Variants in OTOG observed in about 807,000 individuals in gnomAD.
The protein encoded by OTOG is otogelin.
Under a neutral mutation model 313.8 loss-of-function variants are expected in OTOG, and 296 were observed. The ratio of observed to expected loss-of-function variants is 0.94; its 90% CI spans 0.86 to 1.04. The LOEUF is 1.04. Among genes scored for constraint, OTOG ranks in the 50% least tolerant of loss-of-function variants. OTOG has a pLI of 0.00. For synonymous variants in OTOG, 1,533 were observed against 1,554.9 expected (o/e 0.99, Z 0.33); for missense variants, 3,948 against 3,840.1 (o/e 1.03, Z -0.74).
chr11:17,592,416 G>A (rs1202764838), intron 25 of OTOG, among the ~76,000 whole-genome samples: 1 of 152,116 alleles, frequency 6.6e-6, no homozygotes, highest in Non-Finnish European at 1.5e-5. Context: ...TATTTAAAAA[G>A]TTTTAAAGGT....
intron 48 of OTOG, 179 bp downstream of exon 48, chr11:17,638,728 C>A (rs1486939255): frequency 1.3e-6 from 2 of 1,545,372 alleles, no homozygotes; most frequent in African/African-American, 2.7e-5. Context: ...GCTGAGCATT[C>A]CTACAGCCTT....
rs1854223471 is a variant in OTOG at position 17,634,868 on chromosome 11, GTCTCGCC to G, written c.7506_7512del (p.Leu2503ProfsTer45). 2.6e-6 allele frequency: 4 copies of G among 1,549,402 alleles called. No individual in the cohort carries two copies. Among genetic ancestry groups the G allele is most frequent in the Non-Finnish European group, 3.5e-6 (4 of 1,146,768 alleles). On this transcript the variant is annotated frameshift_variant, in exon 45 of 56. Transcript: ENST00000399397. LOFTEE classifies it high-confidence loss of function. ...GTGTGTAACCAGACTCTGTGTGAGG[GTCTCGCC>G]CCCACATGCCGCCCAGGCCACCGCC...
intron 6 of OTOG, among the ~76,000 whole-genome samples, chr11:17,555,383 G>A (rs900356933): frequency 8.5e-5 from 13 of 152,140 alleles, no homozygotes; most frequent in Non-Finnish European, 1.9e-4. Flanking sequence ...GTATAGATGT[G>A]TGTGTTTGTG....
chr11:17,612,264 TGTGGGA>T lies in OTOG; in HGVS notation c.6227_6232del (p.Cys2076_Ile2078delinsPhe), dbSNP rs1212015595. 6.5e-7 allele frequency: 1 copy of T among 1,546,044 alleles called. No homozygotes were observed. The highest frequency in any genetic ancestry group is 2.4e-5 in the East Asian group (1 of 40,914). On this transcript the variant is annotated inframe_deletion, in exon 37 of 56. Coordinates refer to ENST00000399397, the MANE Select transcript of OTOG (RefSeq NM_001292063.2). ...TCCCCAGGGTGCTGCTCCCCCTCGC[TGTGGGA>T]TCCTGGGCCTCGCCGTGCGGGTGGG...
At chr11:17,632,014 G>T (rs1185702368) in intron 41 of OTOG, 74 bp from the exon 42 acceptor site, 10 of 1,540,542 alleles carry the variant, frequency 6.5e-6, no homozygotes, top group Non-Finnish European at 8.8e-6. Flanking sequence ...TTCCTTTTGG[G>T]CAGGGAGGGG....
intron 37 of OTOG, 37 bp downstream of exon 37, chr11:17,612,367 C>T (rs1210982882): frequency 1.3e-6 from 2 of 1,494,094 alleles, no homozygotes; most frequent in African/African-American, 2.8e-5. Flanking sequence ...CTGCATCCTC[C>T]CTGTATCCTT....
In OTOG at chr11:17,558,575, C is replaced by A. The variant is rs1167964256; in HGVS notation, c.1034C>A (p.Pro345His). ...YEQCEALLRP[P>H]FDACHAYVSP... ...CAGTGTGAGGCTCTACTGCGGCCCC[C>A]CTTTGACGCCTGCCACGCCTACGTC... The change falls in exon 10 of 56, where the codon CCC (proline) becomes CAC (histidine). Residue 345 changes from proline (P) to histidine (H), a missense_variant. Physicochemically the swap from Pro to His is moderately conservative, Grantham distance 77. Coordinates refer to ENST00000399397, the MANE Select transcript of OTOG (RefSeq NM_001292063.2). The A allele has an allele frequency of 1.3e-6, 2 of 1,550,546 alleles. No individual in the cohort carries two copies. The highest frequency in any genetic ancestry group is 2.0e-5 in the Admixed American group (1 of 51,012).
chr11:17,632,145 C>A lies in OTOG; in HGVS notation c.6991C>A (p.Pro2331Thr), dbSNP rs1006324874. Residue 2331 changes from proline (P) to threonine (T), a missense_variant, in exon 42 of 56, where the codon CCC becomes ACC. By Grantham distance (38) the Pro-to-Thr change is conservative. Coordinates refer to ENST00000399397, the MANE Select transcript of OTOG (RefSeq NM_001292063.2). ...WIRDTKYVQQ[P>T]CVALTVYVAM... is the part of the protein sequence containing the mutation. Reference sequence around the variant, plus strand: ...CCGGGACACCAAGTACGTGCAGCAGCCCTGCGTGGCCCTGACTGTGTACGT... The same window carrying A: ...CCGGGACACCAAGTACGTGCAGCAGACCTGCGTGGCCCTGACTGTGTACGT... 2.6e-6 allele frequency: 4 copies of A among 1,551,038 alleles called. No homozygotes were observed. Among genetic ancestry groups the A allele is most frequent in the Non-Finnish European group, 2.6e-6 (3 of 1,147,006 alleles).
intron 24 of OTOG, among the ~76,000 whole-genome samples, chr11:17,589,562 C>A (rs1225668381): frequency 1.3e-5 from 2 of 152,158 alleles, no homozygotes; most frequent in African/African-American, 4.8e-5. Flanking sequence ...CTCTTTTCTC[C>A]CATATAAACA....
At chr11:17,575,245 G>A (rs1291473945) in intron 20 of OTOG, among the ~76,000 whole-genome samples, 2 of 152,342 alleles carry the variant, frequency 1.3e-5, no homozygotes, top group South Asian at 2.1e-4. Context: ...TAGGGCTTGG[G>A]AATTCAGCAA....
intron 40 of OTOG, 137 bp from the exon 41 acceptor site, chr11:17,631,565 T>C (rs1175431654): frequency 9.6e-6 from 7 of 725,512 alleles, no homozygotes; most frequent in African/African-American, 8.9e-5. Flanking sequence ...TCCCTTCACC[T>C]AATTTCCCTC....
In OTOG at chr11:17,629,274, G is replaced by A. The variant is rs766948070; in HGVS notation, c.6670G>A (p.Glu2224Lys). 1.3e-5 allele frequency: 20 copies of A among 1,550,480 alleles called. No individual in the cohort carries two copies. The South Asian group carries it at 2.4e-4, about 18-fold the overall frequency. ...CCACAGCTCAGGACTCATGATCGTG[G>A]AGGCCAGCAAAACCAGCAAGGCCCA... ...WLHSSGLMIV[E>K]ASKTSKAQGH... The change falls in exon 40 of 56, where the codon GAG becomes AAG. Residue 2224 changes from glutamate (E) to lysine (K), a missense_variant. By Grantham distance (56) the Glu-to-Lys change is moderately conservative. Coordinates refer to ENST00000399397, the MANE Select transcript of OTOG (RefSeq NM_001292063.2).
chr11:17,556,691 G>C (rs927747571), intron 7 of OTOG, among the ~76,000 whole-genome samples: 1 of 152,286 alleles, frequency 6.6e-6, no homozygotes, highest in African/African-American at 2.4e-5. Flanking sequence ...CCAAATTCCA[G>C]GTTGGCTAGG....
At chr11:17,561,478 A>G (rs1162983793) in intron 14 of OTOG, among the ~76,000 whole-genome samples, 184 bp from the exon 15 acceptor site, 3 of 151,982 alleles carry the variant, frequency 2.0e-5, no homozygotes, top group African/African-American at 7.3e-5. Flanking sequence ...CCTCTCTTCA[A>G]GGAGTTCTCT....
At chr11:17,582,127 A>G (rs535043350) in intron 23 of OTOG, among the ~76,000 whole-genome samples, 1 of 152,312 alleles carries the variant, frequency 6.6e-6, no homozygotes, top group African/African-American at 2.4e-5. Context: ...TTTGACATCT[A>G]TGTATATATC....
Position 17,547,410 on chromosome 11 carries a change from G to T in OTOG, c.38G>T (p.Cys13Phe). ...GCGTCTGCGCTCTGCTGGCTGCTTT[G>T]TGTCTGGCTGCCCTGGGGTGAGCAG... is the stretch of plus-strand genomic sequence containing the variant. ...VLASALCWLL[C>F]VWLPWGEQAA... The change falls in exon 1 of 56, where the codon TGT (cysteine) becomes TTT (phenylalanine). Residue 13 changes from cysteine (C) to phenylalanine (F), a missense_variant. Coordinates refer to ENST00000399397, the MANE Select transcript of OTOG (RefSeq NM_001292063.2). 7.0e-7 allele frequency: 1 copy of T among 1,422,224 alleles called. No individual in the cohort carries two copies. The highest frequency in any genetic ancestry group is 9.1e-7 in the Non-Finnish European group (1 of 1,093,154). 88.1% of individuals were successfully genotyped at this position (1,422,224 alleles called of 1,614,324 possible). A position where few individuals can be genotyped will look rare whatever the true frequency, so the allele number is the denominator to read the frequency against.
chr11:17,644,139 A>G (rs1330709349), intron 54 of OTOG, among the ~76,000 whole-genome samples: 1 of 152,244 alleles, frequency 6.6e-6, no homozygotes, highest in African/African-American at 2.4e-5. Context: ...CATGCTGGGT[A>G]GTGAGCTGTA....
In OTOG at chr11:17,570,199, G is replaced by T; in HGVS notation, c.1778-14G>T. 6.5e-7 allele frequency: 1 copy of T among 1,549,614 alleles called. No individual in the cohort carries two copies. Among genetic ancestry groups the T allele is most frequent in the Non-Finnish European group, 8.7e-7 (1 of 1,146,286 alleles). ...GCTGCCCTCCCACTCTCTCCTTTTGGATTCTGTGCCCAGATGCCTTTGAGA... is the reference window on the plus strand; with the variant it reads ...GCTGCCCTCCCACTCTCTCCTTTTGTATTCTGTGCCCAGATGCCTTTGAGA... On this transcript the variant is annotated splice_polypyrimidine_tract_variant and intron_variant, in intron 16 of 55. Coordinates refer to ENST00000399397, the MANE Select transcript of OTOG (RefSeq NM_001292063.2).
At chr11:17,608,502 T>C in intron 34 of OTOG, 89 bp downstream of exon 34, 1 of 889,792 alleles carries the variant, frequency 1.1e-6, no homozygotes, top group Admixed American at 3.3e-5. Flanking sequence ...GAGTGTTTCA[T>C]ATGTTGAGTG....
Sources: gnomAD v4.1 joint callset for allele counts (sites outside exome capture counted in the v4.1 genomes callset) on GRCh38, gnomAD v4.1.1 for gene constraint, MANE v1.5 for transcripts, NCBI Gene and HGNC (gene_info 2026-07-23, HGNC 2026-07-21) for gene names.